Variants in NXPH2 observed in about 807,000 individuals in gnomAD.
NXPH2 encodes neurexophilin-2.
Under a neutral mutation model 19.8 loss-of-function variants are expected in NXPH2, and 5 were observed. That is an observed-to-expected ratio of 0.25 (90% CI 0.13 to 0.53). NXPH2 has a LOEUF of 0.53. Among genes scored for constraint, NXPH2 ranks in the 20% least tolerant of loss-of-function variants. NXPH2 has a pLI of 0.96. For missense variants in NXPH2, 289 were observed against 322.8 expected (o/e 0.90, Z 0.80); for synonymous variants, 154 against 127.4 (o/e 1.21, Z -1.41).
rs536304478 is a variant in NXPH2, at chr2:138,696,790, A to T, written c.52-25125T>A. Among the ~76,000 whole-genome samples, 4 of 152,300 alleles carry T rather than the reference A, an allele frequency of 2.6e-5. No individual in the cohort carries two copies. The East Asian group carries it at 7.7e-4, about 29-fold the overall frequency. On this transcript the variant is annotated intron_variant, in intron 1 of 1. Coordinates refer to ENST00000272641, the MANE Select transcript of NXPH2 (RefSeq NM_007226.3). The stretch of plus-strand genomic sequence containing the variant: ...AATGAGTACATATGTCTAAGCAAAG[A>T]CTTTTACACAAAAATTTATAGCAGC...
At chr2:138,679,860 C>T (rs1225226739) in intron 1 of NXPH2, among the ~76,000 whole-genome samples, 1 of 152,020 alleles carries the variant, frequency 6.6e-6, no homozygotes. Flanking sequence ...ACTGATTTTG[C>T]CTATACCTGC....
intron 1 of NXPH2, among the ~76,000 whole-genome samples, chr2:138,736,189 T>C (rs1681535852): frequency 6.6e-6 from 1 of 152,180 alleles, no homozygotes. Context: ...GTATCCCAGT[T>C]GGGACTCTGT....
chr2:138,757,573 T>A (rs1681931058), intron 1 of NXPH2, among the ~76,000 whole-genome samples: 2 of 152,088 alleles, frequency 1.3e-5, no homozygotes, highest in South Asian at 4.1e-4. Context: ...AGTTCTTGCC[T>A]GCTTGTGATC....
At chr2:138,682,445 C>CA (rs888675391) in intron 1 of NXPH2, among the ~76,000 whole-genome samples, 4 of 151,718 alleles carry the variant, frequency 2.6e-5, no homozygotes, top group Admixed American at 1.3e-4. Context: ...AGAAGAATGA[C>CA]AAAAAAAGAA....
At chr2:138,696,981 A>C (rs1285163147) in intron 1 of NXPH2, among the ~76,000 whole-genome samples, 2 of 152,198 alleles carry the variant, frequency 1.3e-5, no homozygotes, top group Non-Finnish European at 2.9e-5. Flanking sequence ...AGAAAACATA[A>C]GTAGGTAATT....
At chr2:138,763,249 A>T (rs1168973709) in intron 1 of NXPH2, among the ~76,000 whole-genome samples, 1 of 152,238 alleles carries the variant, frequency 6.6e-6, no homozygotes, top group Non-Finnish European at 1.5e-5. Flanking sequence ...CACTAAAATA[A>T]CAGAATAAAC....
intron 1 of NXPH2, among the ~76,000 whole-genome samples, chr2:138,749,627 T>C (rs1193277856): frequency 2.0e-5 from 3 of 152,072 alleles, no homozygotes; most frequent in Non-Finnish European, 2.9e-5. Context: ...GAATTATTAG[T>C]GTAAAAATAA....
intron 1 of NXPH2, among the ~76,000 whole-genome samples, chr2:138,711,856 C>T (rs1681110855): frequency 6.6e-6 from 1 of 152,186 alleles, no homozygotes; most frequent in African/African-American, 2.4e-5. Context: ...ATAGTGTTTC[C>T]ATGATCACTC....
At chr2:138,682,654 C>T (rs984271256) in intron 1 of NXPH2, among the ~76,000 whole-genome samples, 5 of 152,126 alleles carry the variant, frequency 3.3e-5, no homozygotes, top group Non-Finnish European at 5.9e-5. Flanking sequence ...CTTTTAATAG[C>T]TACCCTTTAC....
chr2:138,685,875 T>C (rs537459924), intron 1 of NXPH2, among the ~76,000 whole-genome samples: 12 of 152,346 alleles, frequency 7.9e-5, no homozygotes, highest in East Asian at 1.9e-4. Flanking sequence ...GTCACCATGC[T>C]TGTCACACTG....
At chr2:138,702,355 A>G (rs887207021) in intron 1 of NXPH2, among the ~76,000 whole-genome samples, 2 of 152,164 alleles carry the variant, frequency 1.3e-5, no homozygotes, top group Non-Finnish European at 2.9e-5. Context: ...TCTTGGCCCA[A>G]GTGATCCTCT....
intron 1 of NXPH2, among the ~76,000 whole-genome samples, chr2:138,704,102 C>G (rs1348224218): frequency 1.3e-5 from 2 of 152,216 alleles, no homozygotes; most frequent in African/African-American, 4.8e-5. Context: ...TTTTGTCTCA[C>G]AGACCCTTGA....
intron 1 of NXPH2, among the ~76,000 whole-genome samples, chr2:138,702,904 T>C (rs371402124): frequency 4.6e-5 from 7 of 152,222 alleles, no homozygotes; most frequent in African/African-American, 1.7e-4. Flanking sequence ...TTCTCTATTC[T>C]GAGTGTAGAA....
intron 1 of NXPH2, among the ~76,000 whole-genome samples, chr2:138,709,624 T>C (rs1055721278): frequency 6.6e-5 from 10 of 152,174 alleles, no homozygotes; most frequent in African/African-American, 2.4e-4. Flanking sequence ...CCCACCATTA[T>C]AGGAGCATAC....
In NXPH2 at chr2:138,670,869, T is replaced by G; in HGVS notation, c.*53A>C. On this transcript the variant is annotated 3_prime_UTR_variant, in exon 2 of 2. Transcript: ENST00000272641. ...TCATAAAGAGCTGGGCTTGTTTCTTTGTCATTCTAATCAAATACATATGTA... is the reference window on the plus strand; with the variant it reads ...TCATAAAGAGCTGGGCTTGTTTCTTGGTCATTCTAATCAAATACATATGTA... 6.5e-7 allele frequency: 1 copy of G among 1,541,084 alleles called. No individual in the cohort carries two copies. The highest frequency in any genetic ancestry group is 8.8e-7 in the Non-Finnish European group (1 of 1,141,322).
intron 1 of NXPH2, among the ~76,000 whole-genome samples, chr2:138,722,194 G>T (rs1420402256): frequency 6.6e-6 from 1 of 152,194 alleles, no homozygotes; most frequent in Non-Finnish European, 1.5e-5. Flanking sequence ...TGAGCAAGAG[G>T]ATAGAAACTA....
intron 1 of NXPH2, among the ~76,000 whole-genome samples, chr2:138,724,352 C>A (rs1681325440): frequency 6.6e-6 from 1 of 152,224 alleles, no homozygotes; most frequent in African/African-American, 2.4e-5. Context: ...TTCTGCCAAT[C>A]AGTATCATGT....
At chr2:138,746,780 T>C (rs1681742915) in intron 1 of NXPH2, among the ~76,000 whole-genome samples, 1 of 152,196 alleles carries the variant, frequency 6.6e-6, no homozygotes, top group Admixed American at 6.5e-5. Context: ...AGAATTCTGC[T>C]GTTGGTGTTG....
intron 1 of NXPH2, among the ~76,000 whole-genome samples, chr2:138,778,746 G>A (rs1180943916): frequency 6.6e-6 from 1 of 152,100 alleles, no homozygotes; most frequent in African/African-American, 2.4e-5. Flanking sequence ...TTAAAGCAAG[G>A]GATACTAAAG....
Sources: allele counts gnomAD v4.1 joint callset (sites outside exome capture counted in the v4.1 genomes callset), GRCh38; gene constraint gnomAD v4.1.1; transcripts MANE v1.5; gene names NCBI Gene and HGNC (gene_info 2026-07-23, HGNC 2026-07-21).